The following KLHL1 variants were observed in gnomAD, a reference collection of about 807,000 sequenced individuals.
KLHL1 encodes the protein kelch-like protein 1.
KLHL1 carries 47 observed loss-of-function variants against 77.7 expected under a neutral mutation model. That is an observed-to-expected ratio of 0.60 (90% CI 0.48 to 0.77). The LOEUF (loss-of-function observed/expected upper bound fraction) is 0.77. Among genes scored for constraint, KLHL1 ranks in the 30% least tolerant of loss-of-function variants. The pLI, the probability that KLHL1 is intolerant of heterozygous loss-of-function variation, is 0.00. For synonymous variants in KLHL1, 360 were observed against 325.2 expected (o/e 1.11, Z -1.15); for missense variants, 925 against 910.8 (o/e 1.02, Z -0.20).
chr13:70,023,728 G>A (rs914304096), intron 1 of KLHL1, among the ~76,000 whole-genome samples: 3 of 151,814 alleles, frequency 2.0e-5, no homozygotes, highest in Non-Finnish European at 4.4e-5. Context: ...ATATGGCTTT[G>A]TTTGACTGCT....
Position 69,701,458 on chromosome 13 carries a change from A to G in KLHL1, c.*244T>C. 1 of 416,598 alleles carries G rather than the reference A, an allele frequency of 2.4e-6. No homozygotes were observed. The highest frequency in any genetic ancestry group is 4.3e-6 in the Non-Finnish European group (1 of 232,124). 25.8% of individuals were successfully genotyped at this position (416,598 alleles called of 1,614,324 possible). ...GTTATTGTATGCTATAATACAAAAC[A>G]AATTACCAATAACCATTCCCGAACT... On this transcript the variant is annotated 3_prime_UTR_variant, in exon 11 of 11. Transcript: ENST00000377844.
intron 5 of KLHL1, among the ~76,000 whole-genome samples, chr13:69,869,898 G>T (rs1049046276): frequency 2.6e-5 from 4 of 152,092 alleles, no homozygotes; most frequent in Non-Finnish European, 5.9e-5. Context: ...TGTGAGTAAT[G>T]ATTATTACAA....
chr13:69,846,277 C>T (rs1224548303), intron 5 of KLHL1, among the ~76,000 whole-genome samples: 1 of 151,522 alleles, frequency 6.6e-6, no homozygotes, highest in East Asian at 1.9e-4. Context: ...GCCCTATCTC[C>T]TTATAACCTT....
chr13:70,060,537 A>AC (rs1275126205), intron 1 of KLHL1, among the ~76,000 whole-genome samples: 1 of 101,306 alleles, frequency 9.9e-6, no homozygotes, highest in Non-Finnish European at 2.2e-5. Flanking sequence ...AGACAAATAG[A>AC]CAAAAAAAAA....
rs981946861 is a variant in KLHL1 at position 69,758,969 on chromosome 13, T to C, written c.1640-18413A>G. On this transcript the variant is annotated intron_variant, in intron 7 of 10. Coordinates refer to ENST00000377844, the MANE Select transcript of KLHL1 (RefSeq NM_020866.3). ...ATGACACAGGTACCCTCCCTAATGT[T>C]CCCCCCAGGGTGTTCTGGGTCCCAA... Among the ~76,000 whole-genome samples, 3 of 152,070 alleles carry C rather than the reference T, an allele frequency of 2.0e-5. 1 individual carries two copies. The South Asian group carries it at 6.2e-4, about 32-fold the overall frequency.
chr13:69,819,583 T>C (rs1032230644), intron 6 of KLHL1, among the ~76,000 whole-genome samples: 1 of 151,310 alleles, frequency 6.6e-6, no homozygotes, highest in African/African-American at 2.4e-5. Flanking sequence ...AATTGACCTA[T>C]GGCTGTAAGT....
chr13:69,969,513 C>T (rs1415597806), intron 2 of KLHL1, among the ~76,000 whole-genome samples: 1 of 151,922 alleles, frequency 6.6e-6, no homozygotes, highest in Admixed American at 6.6e-5. Context: ...AAATATATTT[C>T]CTATGCATAA....
At chr13:69,738,562 G>A (rs1873856875) in intron 8 of KLHL1, among the ~76,000 whole-genome samples, 1 of 151,988 alleles carries the variant, frequency 6.6e-6, no homozygotes, top group African/African-American at 2.4e-5. Flanking sequence ...TAAATTACCT[G>A]ATAGAGCTGA....
intron 8 of KLHL1, among the ~76,000 whole-genome samples, chr13:69,721,096 T>TATATATATATATATATATATATATA (rs1593772228): frequency 1.3e-5 from 1 of 76,232 alleles, no homozygotes; most frequent in African/African-American, 4.3e-5. Flanking sequence ...TGTACCTCCC[T>TATATATATATATATATATATATATA]TACAAGGAAT....
chr13:69,865,170 C>G (rs547206853), intron 5 of KLHL1, among the ~76,000 whole-genome samples: 24 of 152,188 alleles, frequency 1.6e-4, no homozygotes, highest in Non-Finnish European at 3.1e-4. Flanking sequence ...CTCCTGGCCT[C>G]AAGCAGTCCT....
At chr13:69,943,449 AG>A (rs1883426454) in intron 3 of KLHL1, among the ~76,000 whole-genome samples, 1 of 152,208 alleles carries the variant, frequency 6.6e-6, no homozygotes, top group African/African-American at 2.4e-5. Context: ...TGCAGAAAAC[AG>A]GTTGGAAAAT....
Position 69,701,562 on chromosome 13 carries a change from C to A in KLHL1, c.*140G>T, listed in dbSNP as rs1875394841. On this transcript the variant is annotated 3_prime_UTR_variant, in exon 11 of 11. Transcript: ENST00000377844. ...CCTACTATTCTGTTTGATCTACTAA[C>A]TCTTTCAACATCAGTAGGTAACGCT... 1.6e-5 allele frequency: 10 copies of A among 632,990 alleles called. No individual in the cohort carries two copies. In the South Asian group the frequency reaches 2.0e-4, roughly 12 times the overall value. The allele number at this position is 632,990 out of a possible 1,614,324, so 39.2% of individuals were successfully genotyped here.
At chr13:69,982,476 T>A (rs968655198) in intron 1 of KLHL1, among the ~76,000 whole-genome samples, 1 of 135,638 alleles carries the variant, frequency 7.4e-6, no homozygotes, top group Non-Finnish European at 1.6e-5. Flanking sequence ...ATAATAATAA[T>A]AATAAAATAA....
chr13:69,714,791 G>T (rs910465971), intron 9 of KLHL1, among the ~76,000 whole-genome samples: 2 of 151,774 alleles, frequency 1.3e-5, no homozygotes, highest in Non-Finnish European at 2.9e-5. Flanking sequence ...ATGGGATTTT[G>T]CTCTGTTGTC....
chr13:69,707,923 T>TGATTGAG, intron 9 of KLHL1, 127 bp from the exon 10 acceptor site: 2 of 651,734 alleles, frequency 3.1e-6, no homozygotes, highest in Non-Finnish European at 5.0e-6. Context: ...AAAGGCTCAA[T>TGATTGAG]CATTTGAGCA....
chr13:69,911,666 G>A (rs1230819292), intron 4 of KLHL1, among the ~76,000 whole-genome samples: 1 of 151,748 alleles, frequency 6.6e-6, no homozygotes, highest in Non-Finnish European at 1.5e-5. Context: ...TGTGCACTAA[G>A]GACTCATTTA....
intron 7 of KLHL1, among the ~76,000 whole-genome samples, chr13:69,775,098 G>A (rs958117292): frequency 6.6e-6 from 1 of 152,134 alleles, no homozygotes; most frequent in Non-Finnish European, 1.5e-5. Flanking sequence ...TCCTGGGAGT[G>A]CTGAATGAAA....
chr13:69,980,935 T>C (rs1239722770), intron 1 of KLHL1, among the ~76,000 whole-genome samples: 1 of 152,216 alleles, frequency 6.6e-6, no homozygotes, highest in African/African-American at 2.4e-5. Context: ...CAGTTTGTTA[T>C]GTGTTTTTGT....
rs1293956901 is a variant in KLHL1 at position 69,767,099 on chromosome 13, T to G, written c.1640-26543A>C. 2.6e-5 allele frequency among the ~76,000 whole-genome samples: 4 copies of G among 152,210 alleles called. No homozygotes were observed. In the East Asian group the frequency reaches 7.7e-4, roughly 29 times the overall value. ...GAAAAAGATACTAGGTGTAGATATA[T>G]CCTACTTTAACTTAATTATTGCTAT... On this transcript the variant is annotated intron_variant, in intron 7 of 10. Coordinates refer to ENST00000377844, the MANE Select transcript of KLHL1 (RefSeq NM_020866.3).
Sources: allele counts gnomAD v4.1 joint callset (sites outside exome capture counted in the v4.1 genomes callset), GRCh38; gene constraint gnomAD v4.1.1; transcripts MANE v1.5; gene names NCBI Gene and HGNC (gene_info 2026-07-23, HGNC 2026-07-21).